RGS7: variants seen among roughly 807,000 people sequenced by gnomAD.
RGS7 encodes the protein regulator of G-protein signaling 7.
In RGS7, 27 loss-of-function variants were observed where a neutral mutation model predicts 81.1. That is an observed-to-expected ratio of 0.33 (90% confidence interval 0.25 to 0.46). The LOEUF (loss-of-function observed/expected upper bound fraction) is 0.46. RGS7 is among the 20% of genes least tolerant of loss of function. The pLI is 1.00. For synonymous variants in RGS7, 208 were observed against 207.7 expected, an observed-to-expected ratio of 1.00 and a Z score of -0.01; for missense variants, 396 against 607.4, an observed-to-expected ratio of 0.65 and a Z score of 3.66.
At chr1:240,806,772 G>A (rs544038123) in intron 14 of RGS7, among the ~76,000 whole-genome samples, 6 of 152,118 alleles carry the variant, frequency 3.9e-5, no homozygotes, top group African/African-American at 1.4e-4. Flanking sequence ...AGATAAAGCT[G>A]TGCATTACAC....
chr1:241,145,207 G>A (rs1274282783), intron 2 of RGS7, among the ~76,000 whole-genome samples: 2 of 151,770 alleles, frequency 1.3e-5, no homozygotes, highest in Non-Finnish European at 1.5e-5. Flanking sequence ...TAGTAGAGAC[G>A]GGGTTTCACC....
intron 2 of RGS7, among the ~76,000 whole-genome samples, chr1:241,218,009 G>C (rs565405935): frequency 1.3e-5 from 2 of 152,260 alleles, no homozygotes; most frequent in African/African-American, 4.8e-5. Flanking sequence ...AATATCTGGT[G>C]AAACTATACA....
intron 6 of RGS7, among the ~76,000 whole-genome samples, chr1:240,908,830 G>A (rs1190563553): frequency 6.6e-6 from 1 of 152,210 alleles, no homozygotes; most frequent in East Asian, 1.9e-4. Flanking sequence ...ACCTAAATCT[G>A]TGATTCTCAA....
At chr1:240,840,552 C>T (rs1558335273) in intron 9 of RGS7, among the ~76,000 whole-genome samples, 2 of 152,212 alleles carry the variant, frequency 1.3e-5, no homozygotes, top group Non-Finnish European at 2.9e-5. Flanking sequence ...GGATTTCAGG[C>T]GTGACCCACT....
At chr1:241,310,387 G>C (rs2080440093) in intron 2 of RGS7, among the ~76,000 whole-genome samples, 2 of 150,918 alleles carry the variant, frequency 1.3e-5, no homozygotes, top group Admixed American at 6.6e-5. Flanking sequence ...GTATGAGTGT[G>C]CGTGTGAGTG....
At chr1:241,235,916 G>C (rs1165426129) in intron 2 of RGS7, among the ~76,000 whole-genome samples, 1 of 146,710 alleles carries the variant, frequency 6.8e-6, no homozygotes. Flanking sequence ...CTTTGAGAGA[G>C]AGAGAGAGAG....
chr1:241,265,248 G>A (rs1465506347), intron 2 of RGS7, among the ~76,000 whole-genome samples: 1 of 152,220 alleles, frequency 6.6e-6, no homozygotes, highest in Non-Finnish European at 1.5e-5. Context: ...TATCTGTCCA[G>A]CGGCAGGTGC....
intron 2 of RGS7, among the ~76,000 whole-genome samples, chr1:241,100,097 C>T (rs866585049): frequency 6.6e-5 from 10 of 152,110 alleles, no homozygotes; most frequent in African/African-American, 7.2e-5. Flanking sequence ...TTCCATTGGC[C>T]GGGCGCGGTG....
intron 2 of RGS7, among the ~76,000 whole-genome samples, chr1:241,286,204 C>T (rs779961193): frequency 2.6e-5 from 4 of 152,144 alleles, no homozygotes; most frequent in Non-Finnish European, 5.9e-5. Context: ...TCTACTACAT[C>T]AAAAGCCACA....
At chr1:241,017,254 C>G (rs953048222) in intron 3 of RGS7, among the ~76,000 whole-genome samples, 30 of 152,084 alleles carry the variant, frequency 2.0e-4, no homozygotes, top group African/African-American at 7.0e-4. Context: ...CCAGCCTGGT[C>G]AACACGGTGA....
intron 2 of RGS7, among the ~76,000 whole-genome samples, chr1:241,207,416 T>C (rs970902746): frequency 6.6e-6 from 1 of 151,262 alleles, no homozygotes; most frequent in Middle Eastern, 3.2e-3. Flanking sequence ...TGCAGACCGA[T>C]AGCTATGAAA....
intron 18 of RGS7, among the ~76,000 whole-genome samples, chr1:240,783,604 C>T (rs58072556): frequency 0.04 from 6,025 of 151,418 alleles, 124 homozygotes; most frequent in East Asian, 0.1. Flanking sequence ...GTCTGGGTGA[C>T]GGAGCGAGAC....
At chr1:241,091,314 C>T (rs1022472831) in intron 3 of RGS7, among the ~76,000 whole-genome samples, 2 of 150,050 alleles carry the variant, frequency 1.3e-5, no homozygotes, top group Admixed American at 6.6e-5. Flanking sequence ...TTTGGGAGGC[C>T]GAGGCAGGTG....
chr1:240,919,617 T>C (rs564045213), intron 6 of RGS7: 2 of 312,720 alleles, frequency 6.4e-6, no homozygotes, highest in East Asian at 5.9e-5. Context: ...ACAGCTAATA[T>C]AGTACAAATG....
chr1:240,931,063 C>G (rs1181729634), intron 5 of RGS7, among the ~76,000 whole-genome samples: 1 of 152,066 alleles, frequency 6.6e-6, no homozygotes. Context: ...ATTGTATATT[C>G]AAGCAAAAAG....
chr1:241,114,802 G>A (rs1422609203), intron 2 of RGS7, among the ~76,000 whole-genome samples: 1 of 152,142 alleles, frequency 6.6e-6, no homozygotes, highest in Non-Finnish European at 1.5e-5. Context: ...CTGTAACCTA[G>A]GCAGCTGTAA....
intron 2 of RGS7, among the ~76,000 whole-genome samples, chr1:241,128,166 A>G (rs1013069135): frequency 2.0e-5 from 3 of 152,006 alleles, no homozygotes; most frequent in African/African-American, 7.3e-5. Context: ...AGTCCCAGCT[A>G]CTAGGGAGGC....
At chr1:241,135,624 G>A (rs74150220) in intron 2 of RGS7, among the ~76,000 whole-genome samples, 10,289 of 152,030 alleles carry the variant, frequency 0.068, 642 homozygotes, top group East Asian at 0.17. Context: ...AAACTCTGGG[G>A]CTCCCAGGTT....
At chr1:241,266,669 T>C (rs1033504819) in intron 2 of RGS7, among the ~76,000 whole-genome samples, 3 of 152,232 alleles carry the variant, frequency 2.0e-5, no homozygotes, top group Non-Finnish European at 2.9e-5. Flanking sequence ...TTCCGTAGTC[T>C]TCCACACTTT....
Sources: allele counts gnomAD v4.1 joint callset (sites outside exome capture counted in the v4.1 genomes callset), GRCh38; gene constraint gnomAD v4.1.1; transcripts MANE v1.5; gene names NCBI Gene and HGNC (gene_info 2026-07-23, HGNC 2026-07-21).